Variants in GRIN2A observed in about 807,000 individuals in gnomAD.
GRIN2A encodes the protein glutamate ionotropic receptor NMDA type subunit 2A.
A neutral mutation model predicts 113.4 loss-of-function variants in GRIN2A; 22 were observed. The observed-to-expected ratio is 0.19, with a 90% CI of 0.14 to 0.28. GRIN2A has a LOEUF of 0.28. Ranked by LOEUF, GRIN2A falls within the 10% of genes least tolerant of loss-of-function variation. GRIN2A has a pLI of 1.00. For synonymous variants in GRIN2A, 827 were observed against 738.4 expected, an observed-to-expected ratio of 1.12 and a Z score of -1.94; for missense variants, 1,502 against 1,887.0, an observed-to-expected ratio of 0.80 and a Z score of 3.78.
chr16:10,084,244 A>T (rs891400934), intron 2 of GRIN2A, among the ~76,000 whole-genome samples: 2 of 152,178 alleles, frequency 1.3e-5, no homozygotes, highest in African/African-American at 4.8e-5. Context: ...CTAAGAACCA[A>T]ATGTTGTGCC....
intron 2 of GRIN2A, among the ~76,000 whole-genome samples, chr16:9,950,407 A>G (rs947437110): frequency 2.0e-5 from 3 of 152,088 alleles, no homozygotes; most frequent in Non-Finnish European, 4.4e-5. Context: ...CAAGGTAGAA[A>G]AAAGAAACTA....
At chr16:10,179,893 C>CCCCAAACAAAAAAAAAAA in intron 2 of GRIN2A, 105 bp downstream of exon 2, 6 of 719,814 alleles carry the variant, frequency 8.3e-6, no homozygotes, top group East Asian at 3.6e-5. Flanking sequence ...CCCCCACCCC[C>CCCCAAACAAAAAAAAAAA]ACTTCACATC....
intron 11 of GRIN2A, among the ~76,000 whole-genome samples, chr16:9,796,263 A>T (rs368235609): frequency 6.6e-6 from 1 of 151,984 alleles, no homozygotes; most frequent in African/African-American, 2.4e-5. Flanking sequence ...ACATCAATCA[A>T]TCATTCATCC....
In GRIN2A at chr16:9,873,561, C is replaced by CAACA. The variant is rs3831731; in HGVS notation, c.1122+17421_1122+17424dup. ...CTCTAAAAAACAACAACAACAACAA[C>CAACA]AACAAACAAACAAACAGAAAAGAAA... is the stretch of plus-strand genomic sequence containing the variant. On this transcript the variant is annotated intron_variant, in intron 4 of 12. Transcript: ENST00000330684. Among the ~76,000 whole-genome samples, 24 of 142,248 alleles carry CAACA rather than the reference C, an allele frequency of 1.7e-4. No homozygotes were observed. The South Asian group carries it at 4.3e-3, about 26-fold the overall frequency. The allele number at this position is 142,248 out of a possible 152,430, so 93.3% of individuals were successfully genotyped here. A position where few individuals can be genotyped will look rare whatever the true frequency, so the allele number is the denominator to read the frequency against.
At chr16:10,139,688 G>C (rs2049281587) in intron 2 of GRIN2A, among the ~76,000 whole-genome samples, 1 of 152,324 alleles carries the variant, frequency 6.6e-6, no homozygotes, top group East Asian at 1.9e-4. Context: ...GAATCAAAGT[G>C]GGGTGGGGGG....
intron 2 of GRIN2A, chr16:10,121,418 A>T (rs1047350524): frequency 6.6e-6 from 1 of 152,076 alleles, no homozygotes; most frequent in African/African-American, 2.4e-5. Flanking sequence ...TCAGAATAAC[A>T]TCCGAAGATT....
chr16:10,023,668 A>G (rs2046766770), intron 2 of GRIN2A, among the ~76,000 whole-genome samples: 1 of 152,212 alleles, frequency 6.6e-6, no homozygotes, highest in South Asian at 2.1e-4. Context: ...TCTTGTGAGA[A>G]AAAAGTTTTC....
At chr16:9,883,747 G>A (rs1426172559) in intron 4 of GRIN2A, among the ~76,000 whole-genome samples, 1 of 152,222 alleles carries the variant, frequency 6.6e-6, no homozygotes, top group African/African-American at 2.4e-5. Context: ...CAAGTCTGGA[G>A]GCCGTGAGAC....
intron 2 of GRIN2A, chr16:10,111,691 G>A (rs951548811): frequency 1.3e-6 from 2 of 1,567,072 alleles, no homozygotes; most frequent in African/African-American, 1.3e-5. Context: ...GGCCAACGAG[G>A]TGCATAAGGT....
intron 2 of GRIN2A, among the ~76,000 whole-genome samples, chr16:10,043,989 A>T (rs2047212623): frequency 7.3e-6 from 1 of 136,862 alleles, no homozygotes; most frequent in Admixed American, 7.4e-5. Flanking sequence ...ATATACACAT[A>T]CGTGTGTGTG....
chr16:9,763,254 A>C lies in GRIN2A; in HGVS notation c.4290T>G (p.Pro1430=), dbSNP rs756705691. The part of the protein sequence containing the change: ...NDVYISEHVM[P]YAANKNNMYS... ...ACATATTATTCTTATTTGCAGCATAAGGCATAACATGCTCCGAAATATACA... is the reference window on the plus strand; with the variant it reads ...ACATATTATTCTTATTTGCAGCATACGGCATAACATGCTCCGAAATATACA... The change falls in exon 13 of 13, where the codon CCT becomes CCG. Residue 1430 remains proline, a synonymous_variant. Transcript: ENST00000330684. The C allele has an allele frequency of 5.6e-6, 9 of 1,614,028 alleles. No individual in the cohort carries two copies. The highest frequency in any genetic ancestry group is 7.6e-6 in the Non-Finnish European group (9 of 1,179,988).
chr16:10,106,587 C>T (rs957563655), intron 2 of GRIN2A, among the ~76,000 whole-genome samples: 4 of 151,974 alleles, frequency 2.6e-5, no homozygotes, highest in Admixed American at 1.3e-4. Context: ...TCTCTGAATC[C>T]CTGGTACCTG....
rs567602078 is a variant in GRIN2A, at chr16:9,907,021, C to T, written c.1008-15921G>A. Among the ~76,000 whole-genome samples, 5 of 152,236 alleles carry T rather than the reference C, an allele frequency of 3.3e-5. No homozygotes were observed. The South Asian group carries it at 1.0e-3, about 32-fold the overall frequency. On this transcript the variant is annotated intron_variant, in intron 3 of 12. Coordinates refer to ENST00000330684, the MANE Select transcript of GRIN2A (RefSeq NM_001134407.3). Reference sequence around the variant, plus strand: ...GTAGACAGGGTTTCACCACATTGCTCAGGCTGGTCATGAACCCTTGGACTC... The same window carrying T: ...GTAGACAGGGTTTCACCACATTGCTTAGGCTGGTCATGAACCCTTGGACTC...
chr16:9,886,306 A>G (rs371629484), intron 4 of GRIN2A, among the ~76,000 whole-genome samples: 1 of 148,590 alleles, frequency 6.7e-6, no homozygotes, highest in Non-Finnish European at 1.5e-5. Context: ...GTGTAAGAGG[A>G]AAAAAAATCA....
intron 2 of GRIN2A, among the ~76,000 whole-genome samples, chr16:9,940,876 G>C (rs2044857261): frequency 6.6e-6 from 1 of 151,960 alleles, no homozygotes; most frequent in Non-Finnish European, 1.5e-5. Context: ...TGCCAAAATA[G>C]GGCAACAAGA....
intron 2 of GRIN2A, among the ~76,000 whole-genome samples, chr16:10,002,387 G>A (rs1204441555): frequency 6.6e-6 from 1 of 152,168 alleles, no homozygotes; most frequent in Non-Finnish European, 1.5e-5. Context: ...CCTAATCTGT[G>A]GAATACATTC....
intron 10 of GRIN2A, among the ~76,000 whole-genome samples, chr16:9,800,999 G>A (rs1217450482): frequency 1.3e-5 from 2 of 152,228 alleles, no homozygotes; most frequent in East Asian, 3.8e-4. Context: ...TCTAGGCTAG[G>A]ATGATGGTGC....
At chr16:10,047,116 A>T (rs192948800) in intron 2 of GRIN2A, among the ~76,000 whole-genome samples, 1 of 152,378 alleles carries the variant, frequency 6.6e-6, no homozygotes, top group East Asian at 1.9e-4. Context: ...GGATAAAATT[A>T]CTTCACATTG....
intron 2 of GRIN2A, among the ~76,000 whole-genome samples, chr16:10,033,175 C>A (rs552922016): frequency 6.6e-6 from 1 of 152,312 alleles, no homozygotes; most frequent in South Asian, 2.1e-4. Flanking sequence ...TCAACATTTG[C>A]CAAGCAAGAT....
Sources: allele counts gnomAD v4.1 joint callset (sites outside exome capture counted in the v4.1 genomes callset), GRCh38; gene constraint gnomAD v4.1.1; transcripts MANE v1.5; gene names NCBI Gene and HGNC (gene_info 2026-07-23, HGNC 2026-07-21).